The following ANK1 variants were observed in gnomAD, a reference collection of about 807,000 sequenced individuals.
The protein encoded by ANK1 is ankyrin 1.
ANK1 carries 51 observed loss-of-function variants against 210.4 expected under a neutral mutation model. That is an observed-to-expected ratio of 0.24 (90% CI 0.19 to 0.31). The LOEUF (loss-of-function observed/expected upper bound fraction) is 0.31, where lower values mean the gene tolerates loss of function less well. Ranked by LOEUF, ANK1 falls within the 10% of genes least tolerant of loss-of-function variation. The pLI is 1.00. For synonymous variants in ANK1, 967 were observed against 1,025.9 expected (o/e 0.94, Z 1.10); for missense variants, 2,051 against 2,504.4 (o/e 0.82, Z 3.86).
At chr8:41,685,823 C>A (rs115263411) in intron 36 of ANK1, among the ~76,000 whole-genome samples, 1,838 of 152,296 alleles carry the variant, frequency 0.012, 35 homozygotes, top group African/African-American at 0.043. Flanking sequence ...CTATGTTACA[C>A]AGTCTGTTCT....
chr8:41,896,042 G>C (rs1820452015), intron 1 of ANK1, among the ~76,000 whole-genome samples: 1 of 152,332 alleles, frequency 6.6e-6, no homozygotes. Flanking sequence ...GTTGGTCCTA[G>C]AGCAGCGCGG....
intron 9 of ANK1, among the ~76,000 whole-genome samples, chr8:41,722,090 G>A (rs1829421421): frequency 6.6e-6 from 1 of 152,168 alleles, no homozygotes; most frequent in Admixed American, 6.5e-5. Context: ...TATCTCACAT[G>A]GTCATCCCAA....
intron 1 of ANK1, among the ~76,000 whole-genome samples, chr8:41,872,211 C>T (rs1426852106): frequency 6.6e-6 from 1 of 152,228 alleles, no homozygotes; most frequent in East Asian, 1.9e-4. Flanking sequence ...CCCCTGTAGG[C>T]CTCAGCTCCC....
chr8:41,810,583 G>T (rs1053259241), intron 1 of ANK1, among the ~76,000 whole-genome samples: 1 of 152,230 alleles, frequency 6.6e-6, no homozygotes, highest in Non-Finnish European at 1.5e-5. Context: ...CAGGTCCATC[G>T]GGCCACACAG....
intron 1 of ANK1, among the ~76,000 whole-genome samples, chr8:41,832,708 C>T (rs1410465056): frequency 6.6e-6 from 1 of 152,158 alleles, no homozygotes; most frequent in Non-Finnish European, 1.5e-5. Flanking sequence ...AGAGGGTTCC[C>T]AGAGGAAATA....
chr8:41,708,056 T>A (rs934347367), intron 17 of ANK1, among the ~76,000 whole-genome samples: 5 of 152,190 alleles, frequency 3.3e-5, no homozygotes, highest in African/African-American at 9.7e-5. Context: ...GGTACGAGGT[T>A]TCCTTTCGGA....
At chr8:41,715,539 G>T (rs959983918) in intron 14 of ANK1, 113 bp downstream of exon 14, 2 of 1,368,092 alleles carry the variant, frequency 1.5e-6, no homozygotes, top group Non-Finnish European at 2.0e-6. Context: ...CCTTCCAGCT[G>T]CTTGCAGCAT....
chr8:41,684,662 G>A lies in ANK1; in HGVS notation c.4419C>T (p.Ser1473=). The A allele has an allele frequency of 6.2e-7, 1 of 1,613,744 alleles. No homozygotes were observed. The highest frequency in any genetic ancestry group is 8.5e-7 in the Non-Finnish European group (1 of 1,179,958). The change falls in exon 37 of 43, where the codon AGC becomes AGT. Residue 1473 remains serine, a synonymous_variant. Coordinates refer to ENST00000289734, the MANE Select transcript of ANK1 (RefSeq NM_000037.4). ...TGTTCACGATCTCGCCACGGTCAAT[G>A]CTCTGCAGGGCTGTGTACAGATTCT... The part of the protein sequence containing the change: ...NMENLYTALQ[S]IDRGEIVNML...
Position 41,724,542 on chromosome 8 carries a change from G to C in ANK1, c.625C>G (p.Pro209Ala). The change falls in exon 7 of 43, where the codon CCC (proline) becomes GCC (alanine). Residue 209 changes from proline to alanine, a missense_variant. This residue lies in a region of ANK1 where 1,413 missense variants were observed against 1,707.4 expected (regional missense o/e 0.83). Transcript: ENST00000289734. ...PDVLSKTGFT[P>A]LHIAAHYENL... ...TCGTAGTGAGCCGCAATGTGCAGGG[G>C]CGTGAATCCCGTCTGGGGCACAACA... 6.3e-7 allele frequency: 1 copy of C among 1,595,454 alleles called. No homozygotes were observed.
chr8:41,851,619 G>T (rs1587420770), intron 1 of ANK1, among the ~76,000 whole-genome samples: 1 of 152,252 alleles, frequency 6.6e-6, no homozygotes, highest in African/African-American at 2.4e-5. Flanking sequence ...GGGAGGCTAA[G>T]ACGGGAGGAT....
At chr8:41,656,742 CAT>C (rs1805847863) in intron 42 of ANK1, among the ~76,000 whole-genome samples, 1 of 152,208 alleles carries the variant, frequency 6.6e-6, no homozygotes. Context: ...CATCCCCAGA[CAT>C]AGAGCTGTTT....
intron 1 of ANK1, among the ~76,000 whole-genome samples, chr8:41,825,406 G>T (rs1418377298): frequency 6.6e-6 from 1 of 152,184 alleles, no homozygotes; most frequent in East Asian, 1.9e-4. Context: ...AACTGGCCTT[G>T]GGGTCACACT....
chr8:41,711,167 C>T (rs912848338), intron 16 of ANK1, among the ~76,000 whole-genome samples: 1 of 152,200 alleles, frequency 6.6e-6, no homozygotes, highest in Admixed American at 6.5e-5. Context: ...GCCGCAGATC[C>T]AGCCTGAGAT....
chr8:41,690,630 T>A lies in ANK1; in HGVS notation c.3859-31A>T, dbSNP rs1284092827. The A allele has an allele frequency of 1.9e-6, 3 of 1,606,610 alleles. No individual in the cohort carries two copies. In the East Asian group the frequency reaches 6.7e-5, roughly 36 times the overall value. On this transcript the variant is annotated intron_variant, in intron 31 of 42. Coordinates refer to ENST00000289734, the MANE Select transcript of ANK1 (RefSeq NM_000037.4). ...GGAGAGGAAAAGCAGATACAGCTTG[T>A]CAGGGAGAGAAGGGCCCAGATGTCC... is the stretch of plus-strand genomic sequence containing the variant.
intron 37 of ANK1, among the ~76,000 whole-genome samples, chr8:41,673,734 A>G (rs569745782): frequency 1.5e-4 from 23 of 152,310 alleles, no homozygotes; most frequent in Admixed American, 6.5e-4. Flanking sequence ...TCAGGCCCTG[A>G]GTGCATGACC....
intron 1 of ANK1, among the ~76,000 whole-genome samples, chr8:41,812,774 C>T (rs1475556563): frequency 2.6e-5 from 4 of 152,138 alleles, no homozygotes; most frequent in East Asian, 3.9e-4. Context: ...GATCATCAGA[C>T]ATTAGTTAAA....
chr8:41,743,802 G>C (rs1482850359), intron 2 of ANK1, among the ~76,000 whole-genome samples: 8 of 145,694 alleles, frequency 5.5e-5, no homozygotes, highest in Non-Finnish European at 3.1e-5. Context: ...TGATCTCATT[G>C]ATTCTTCATA....
At chr8:41,723,665 G>T in intron 7 of ANK1, 32 bp from the exon 8 acceptor site, 3 of 1,598,466 alleles carry the variant, frequency 1.9e-6, no homozygotes, top group Non-Finnish European at 2.6e-6. Flanking sequence ...GTCAGGGCGC[G>T]TCATCCTTCC....
chr8:41,731,992 G>A (rs540362744), intron 3 of ANK1, among the ~76,000 whole-genome samples: 1 of 152,204 alleles, frequency 6.6e-6, no homozygotes, highest in African/African-American at 2.4e-5. Context: ...CATAGAATTT[G>A]GGAAAAAAAT....
Sources: allele counts gnomAD v4.1 joint callset (sites outside exome capture counted in the v4.1 genomes callset), GRCh38; gene constraint gnomAD v4.1.1; regional missense constraint gnomAD v4.1.1; transcripts MANE v1.5; gene names NCBI Gene and HGNC (gene_info 2026-07-23, HGNC 2026-07-21).